The following ATF7IP variants were observed in gnomAD, a reference collection of about 807,000 sequenced individuals.
ATF7IP encodes activating transcription factor 7 interacting protein.
Under a neutral mutation model 106.4 loss-of-function variants are expected in ATF7IP, and 23 were observed. The ratio of observed to expected loss-of-function variants is 0.22; its 90% CI spans 0.16 to 0.31. ATF7IP has a LOEUF of 0.31. Ranked by LOEUF, ATF7IP falls within the 10% of genes least tolerant of loss-of-function variation. The probability of loss-of-function intolerance (pLI) is 1.00; values close to 1 mark genes in which losing one functional copy is unlikely to be tolerated. For synonymous variants in ATF7IP, 542 were observed against 539.0 expected (o/e 1.01, Z -0.08); for missense variants, 1,334 against 1,524.3 (o/e 0.88, Z 2.08).
Position 14,425,227 on chromosome 12 carries a change from A to G in ATF7IP, c.1312A>G (p.Ile438Val). 2 of 1,592,116 alleles carry G rather than the reference A, an allele frequency of 1.3e-6. No homozygotes were observed. Among genetic ancestry groups the G allele is most frequent in the Non-Finnish European group, 1.7e-6 (2 of 1,173,542 alleles). ...TATGGAGACAGATGAAATCATTCCT[A>G]TTTTGGAAAAGCTTGCACCTTCTGA... The part of the protein sequence containing the change: ...DSMETDEIIP[I>V]LEKLAPSEDE... Residue 438 changes from isoleucine (I) to valine (V), a missense_variant, in exon 2 of 15, where the codon ATT becomes GTT. Physicochemically the swap from Ile to Val is conservative, Grantham distance 29. Around this residue, in one of 10 missense-constraint regions of ATF7IP, gnomAD observed 41 missense variants for 60.4 expected, o/e 0.68. Coordinates refer to ENST00000261168, the MANE Select transcript of ATF7IP (RefSeq NM_018179.5).
rs1489703582 is a variant in ATF7IP, at chr12:14,502,535, CTGTT to C, written c.*4464_*4467del. On this transcript the variant is annotated 3_prime_UTR_variant, in exon 15 of 15. Transcript: ENST00000261168. ...ATTTTTTTGAGGTCTTTGTTTTTGT[CTGTT>C]TTTGTTTTGTTTTGTTTTGTAAATA... is the stretch of plus-strand genomic sequence containing the variant. The C allele has an allele frequency of 1.3e-5, 2 of 151,796 alleles. No homozygotes were observed. Among genetic ancestry groups the C allele is most frequent in the Non-Finnish European group, 2.9e-5 (2 of 67,948 alleles). The allele number at this position is 151,796 out of a possible 1,614,324, so 9.4% of individuals were successfully genotyped here.
At chr12:14,399,185 CTTATAT>C (rs10590787) in intron 1 of ATF7IP, among the ~76,000 whole-genome samples, 4,211 of 152,124 alleles carry the variant, frequency 0.028, 78 homozygotes, top group African/African-American at 0.05. Flanking sequence ...TGGTCTTGTA[CTTATAT>C]TTATATATAA....
At chr12:14,390,536 T>C (rs911435499) in intron 1 of ATF7IP, among the ~76,000 whole-genome samples, 1 of 152,260 alleles carries the variant, frequency 6.6e-6, no homozygotes, top group African/African-American at 2.4e-5. Context: ...TTAATGGTGA[T>C]ACTGAATAAG....
At chr12:14,481,291 TGTC>T in intron 13 of ATF7IP, 106 bp downstream of exon 13, 1 of 1,005,680 alleles carries the variant, frequency 9.9e-7, no homozygotes, top group Non-Finnish European at 1.5e-6. Flanking sequence ...TTTCTTATAA[TGTC>T]ATATTAAAAG....
Position 14,500,196 on chromosome 12 carries a change from T to G in ATF7IP, c.*2123T>G, listed in dbSNP as rs1201261947. ...AGGGAGCTCTTTTACTAATGTTGTT[T>G]TGTTTGCAACTTTGATGGCTTATAA... On this transcript the variant is annotated 3_prime_UTR_variant, in exon 15 of 15. Transcript: ENST00000261168. 3.3e-5 allele frequency: 5 copies of G among 152,260 alleles called. No individual in the cohort carries two copies. Among genetic ancestry groups the G allele is most frequent in the African/African-American group, 1.2e-4 (5 of 41,474 alleles). 9.4% of individuals were successfully genotyped at this position (152,260 alleles called of 1,614,324 possible).
In ATF7IP at chr12:14,502,202, G is replaced by A. The variant is rs565225216; in HGVS notation, c.*4129G>A. On this transcript the variant is annotated 3_prime_UTR_variant, in exon 15 of 15. Coordinates refer to ENST00000261168, the MANE Select transcript of ATF7IP (RefSeq NM_018179.5). Reference sequence around the variant, plus strand: ...TGCAATATCAAATAACTCTAAAACCGATGTGTGATTCTACCTTCCTTACTA... The same window carrying A: ...TGCAATATCAAATAACTCTAAAACCAATGTGTGATTCTACCTTCCTTACTA... 11 of 152,246 alleles carry A rather than the reference G, an allele frequency of 7.2e-5. No individual in the cohort carries two copies. The South Asian group carries it at 1.7e-3, about 23-fold the overall frequency. 9.4% of individuals were successfully genotyped at this position (152,246 alleles called of 1,614,324 possible). A position where few individuals can be genotyped will look rare whatever the true frequency, so the allele number is the denominator to read the frequency against.
chr12:14,425,591 G>A, intron 2 of ATF7IP, 118 bp downstream of exon 2: 1 of 980,454 alleles, frequency 1.0e-6, no homozygotes, highest in Non-Finnish European at 1.4e-6. Context: ...GAATGGTGAT[G>A]ACTCTATAGA....
At chr12:14,488,240 A>G (rs1436869612) in intron 13 of ATF7IP, among the ~76,000 whole-genome samples, 5 of 151,820 alleles carry the variant, frequency 3.3e-5, no homozygotes, top group Non-Finnish European at 7.4e-5. Context: ...TAGATATAGT[A>G]TATTTTTATA....
At chr12:14,439,541 A>C (rs1942592324) in intron 5 of ATF7IP, among the ~76,000 whole-genome samples, 1 of 152,158 alleles carries the variant, frequency 6.6e-6, no homozygotes, top group Non-Finnish European at 1.5e-5. Flanking sequence ...TTTAAAACCT[A>C]AGTTTTTGGC....
At chr12:14,387,792 G>A (rs950086787) in intron 1 of ATF7IP, among the ~76,000 whole-genome samples, 1 of 152,128 alleles carries the variant, frequency 6.6e-6, no homozygotes, top group Non-Finnish European at 1.5e-5. Context: ...AAATCTGGGA[G>A]CTGAATAATT....
chr12:14,389,432 C>A, intron 1 of ATF7IP, among the ~76,000 whole-genome samples: 1 of 152,136 alleles, frequency 6.6e-6, no homozygotes. Context: ...TCTTCAAATA[C>A]ACTGTGAGAA....
intron 6 of ATF7IP, among the ~76,000 whole-genome samples, chr12:14,454,204 T>C (rs1265768361): frequency 6.6e-6 from 1 of 152,150 alleles, no homozygotes; most frequent in Non-Finnish European, 1.5e-5. Context: ...TCTGGGCTTT[T>C]GCTTGTACTC....
At chr12:14,405,573 C>A (rs1186127416) in intron 1 of ATF7IP, among the ~76,000 whole-genome samples, 1 of 151,886 alleles carries the variant, frequency 6.6e-6, no homozygotes, top group Non-Finnish European at 1.5e-5. Context: ...CACCACCACA[C>A]CCTGCAAATT....
intron 11 of ATF7IP, chr12:14,476,477 G>GGA (rs1944268707): frequency 2.0e-5 from 3 of 149,972 alleles, no homozygotes; most frequent in African/African-American, 7.4e-5. Context: ...AATGTGTAGA[G>GGA]GAAAACAGCA....
intron 10 of ATF7IP, 126 bp downstream of exon 10, chr12:14,466,716 T>C (rs1325157835): frequency 1.4e-6 from 1 of 718,338 alleles, no homozygotes; most frequent in Non-Finnish European, 2.3e-6. Flanking sequence ...CCAAACATTG[T>C]CTCACAGCTT....
At chr12:14,490,461 A>G (rs891620998) in intron 13 of ATF7IP, among the ~76,000 whole-genome samples, 3 of 152,250 alleles carry the variant, frequency 2.0e-5, no homozygotes, top group African/African-American at 7.2e-5. Flanking sequence ...ATAATCACAC[A>G]TCTAGCCATT....
chr12:14,496,366 G>T, intron 14 of ATF7IP, 23 bp downstream of exon 14: 1 of 1,527,798 alleles, frequency 6.5e-7, no homozygotes, highest in South Asian at 1.1e-5. Flanking sequence ...GCTTGGTTTT[G>T]CAAAATTCTC....
At chr12:14,386,972 AT>A (rs374714107) in intron 1 of ATF7IP, among the ~76,000 whole-genome samples, 6,307 of 151,960 alleles carry the variant, frequency 0.042, 225 homozygotes, top group Non-Finnish European at 0.056. Flanking sequence ...TGTTATTTAC[AT>A]TTTTTTTAAA....
chr12:14,469,976 A>G (rs549506572), intron 10 of ATF7IP, among the ~76,000 whole-genome samples: 6 of 152,168 alleles, frequency 3.9e-5, no homozygotes, highest in East Asian at 1.9e-4. Context: ...ATTTTTCTAT[A>G]TAAGTGGCCA....
Sources: gnomAD v4.1 joint callset for allele counts (sites outside exome capture counted in the v4.1 genomes callset) on GRCh38, gnomAD v4.1.1 for gene constraint, gnomAD v4.1.1 regional missense constraint, MANE v1.5 for transcripts, NCBI Gene and HGNC (gene_info 2026-07-23, HGNC 2026-07-21) for gene names.